The following TUBB6 variants were observed in gnomAD, a reference collection of about 807,000 sequenced individuals.
TUBB6 encodes the protein tubulin beta-6 chain.
In TUBB6, 18 loss-of-function variants were observed where a neutral mutation model predicts 32.3. The ratio of observed to expected loss-of-function variants is 0.56; its 90% CI spans 0.39 to 0.83. The LOEUF (loss-of-function observed/expected upper bound fraction) is 0.83, where lower values mean the gene tolerates loss of function less well. Ranked by LOEUF, TUBB6 falls within the 40% of genes least tolerant of loss-of-function variation. The pLI, the probability that TUBB6 is intolerant of heterozygous loss-of-function variation, is 0.00. For missense variants in TUBB6, 480 were observed against 632.0 expected, an observed-to-expected ratio of 0.76 and a Z score of 2.58; for synonymous variants, 280 against 265.8, an observed-to-expected ratio of 1.05 and a Z score of -0.52.
downstream of TUBB6, among the ~76,000 whole-genome samples, chr18:12,327,741 C>T (rs1907384679): frequency 6.6e-6 from 1 of 152,156 alleles, no homozygotes; most frequent in Non-Finnish European, 1.5e-5. Flanking sequence ...CTTAAGGTTG[C>T]TCACCTCACC....
downstream of TUBB6, among the ~76,000 whole-genome samples, chr18:12,327,114 T>C (rs1211439618): frequency 6.6e-6 from 1 of 152,264 alleles, no homozygotes; most frequent in East Asian, 1.9e-4. Flanking sequence ...TACTTCTTCC[T>C]GCCCTCTTGA....
At chr18:12,319,576 A>G (rs1906870352) in intron 3 of TUBB6, among the ~76,000 whole-genome samples, 1 of 152,190 alleles carries the variant, frequency 6.6e-6, no homozygotes, top group South Asian at 2.1e-4. Flanking sequence ...TATCTCAGAC[A>G]TCCTCCGTGA....
At chr18:12,311,219 G>A (rs967393724) in intron 3 of TUBB6, 166 bp downstream of exon 3, 1 of 556,796 alleles carries the variant, frequency 1.8e-6, no homozygotes. Flanking sequence ...ACAAGGAACA[G>A]TTTTTTTTAA....
At chr18:12,323,302 A>G (rs1357707917) in intron 3 of TUBB6, among the ~76,000 whole-genome samples, 4 of 152,178 alleles carry the variant, frequency 2.6e-5, no homozygotes, top group African/African-American at 9.7e-5. Context: ...CAAAAACAAA[A>G]ATTAGTTCCT....
intron 3 of TUBB6, among the ~76,000 whole-genome samples, chr18:12,317,524 C>A (rs1428918924): frequency 3.3e-5 from 5 of 152,204 alleles, no homozygotes; most frequent in Admixed American, 2.0e-4. Flanking sequence ...GCAGTCATAC[C>A]TACTCTATTG....
chr18:12,324,165 C>T (rs1907135494), intron 3 of TUBB6, among the ~76,000 whole-genome samples: 1 of 152,032 alleles, frequency 6.6e-6, no homozygotes, highest in Admixed American at 6.5e-5. Flanking sequence ...GTCAGGAGTT[C>T]GAGACTATCC....
downstream of TUBB6, chr18:12,329,637 T>C (rs758798297): frequency 3.1e-6 from 5 of 1,614,072 alleles, no homozygotes; most frequent in Non-Finnish European, 4.2e-6. Flanking sequence ...CCTTAAGGCC[T>C]TCTGGAAGTG....
chr18:12,308,981 C>T (rs1180488141), intron 2 of TUBB6, among the ~76,000 whole-genome samples, 186 bp downstream of exon 2: 1 of 152,220 alleles, frequency 6.6e-6, no homozygotes, highest in African/African-American at 2.4e-5. Flanking sequence ...CTCGATTCAG[C>T]CTATCCTGAG....
intron 2 of TUBB6, among the ~76,000 whole-genome samples, chr18:12,310,228 C>G (rs879765888): frequency 2.6e-5 from 4 of 151,680 alleles, no homozygotes; most frequent in Non-Finnish European, 4.4e-5. Context: ...GGTGGCTCAC[C>G]CCTGTAATCC....
At chr18:12,309,308 G>T (rs988491970) in intron 2 of TUBB6, among the ~76,000 whole-genome samples, 17 of 150,852 alleles carry the variant, frequency 1.1e-4, no homozygotes, top group African/African-American at 3.9e-4. Context: ...AGCTGTGATC[G>T]CGCCACTGCA....
rs769074833 is a variant in TUBB6 at position 12,326,173 on chromosome 18, T to C, written c.*43T>C. 1.7e-5 allele frequency: 27 copies of C among 1,576,164 alleles called. No individual in the cohort carries two copies. In the South Asian group the frequency reaches 3.1e-4, roughly 18 times the overall value. On this transcript the variant is annotated 3_prime_UTR_variant, in exon 4 of 4. Coordinates refer to ENST00000317702, the MANE Select transcript of TUBB6 (RefSeq NM_032525.3). ...CAACTCAGATCCTACAACACGCAAG[T>C]TCCTTCTTGAACCCTGGTGCCTCCT...
chr18:12,308,496 G>A (rs1370898927), intron 1 of TUBB6, 147 bp downstream of exon 1: 20 of 742,098 alleles, frequency 2.7e-5, no homozygotes, highest in Non-Finnish European at 2.4e-5. Flanking sequence ...CCGCAGGGAG[G>A]GAGCGCCCGG....
downstream of TUBB6, chr18:12,329,776 A>C (rs1258415605): frequency 1.2e-6 from 2 of 1,613,144 alleles, no homozygotes; most frequent in East Asian, 4.5e-5. Context: ...TAACAACAGA[A>C]GAGCAACCTG....
chr18:12,321,763 T>A (rs914148659), intron 3 of TUBB6, among the ~76,000 whole-genome samples: 1 of 152,212 alleles, frequency 6.6e-6, no homozygotes, highest in African/African-American at 2.4e-5. Flanking sequence ...CAAAATTTCA[T>A]GAAAATAAAT....
rs748814632 is a variant in TUBB6, at chr18:12,325,078, G to C, written c.289G>C (p.Ala97Pro). The change falls in exon 4 of 4, where the codon GCA becomes CCA. Residue 97 changes from alanine to proline, a missense_variant. Coordinates refer to ENST00000317702, the MANE Select transcript of TUBB6 (RefSeq NM_032525.3). ...PDNFIFGQTG[A>P]GNNWAKGHYT... Reference sequence around the variant, plus strand: ...TCTCTTTGTTGCAGGCCAGACGGGTGCAGGGAACAACTGGGCGAAAGGGCA... The same window carrying C: ...TCTCTTTGTTGCAGGCCAGACGGGTCCAGGGAACAACTGGGCGAAAGGGCA... 1 of 1,572,676 alleles carries C rather than the reference G, an allele frequency of 6.4e-7. No individual in the cohort carries two copies. Among genetic ancestry groups the C allele is most frequent in the Non-Finnish European group, 8.7e-7 (1 of 1,156,040 alleles).
chr18:12,325,035 G>A, intron 3 of TUBB6, 32 bp from the exon 4 acceptor site: 2 of 1,543,030 alleles, frequency 1.3e-6, no homozygotes, highest in Non-Finnish European at 1.8e-6. Context: ...GCCCTTTCCT[G>A]TTTAAACGGC....
chr18:12,328,824 G>A (rs905142599), downstream of TUBB6: 1 of 297,314 alleles, frequency 3.4e-6, no homozygotes, highest in Non-Finnish European at 6.4e-6. Context: ...CCTCCTGTGG[G>A]AGCTAATGAG....
intron 3 of TUBB6, among the ~76,000 whole-genome samples, chr18:12,312,555 G>A (rs1906441548): frequency 6.6e-6 from 1 of 152,108 alleles, no homozygotes; most frequent in African/African-American, 2.4e-5. Context: ...CAAAATAAGT[G>A]TTTGAGAAAT....
At chr18:12,308,196 CG>C, upstream of TUBB6, 4 of 835,962 alleles carry the variant, frequency 4.8e-6, no homozygotes, top group South Asian at 5.4e-5. Context: ...GGGGCGGGGG[CG>C]GGGGCGCGGA....
Sources: allele counts gnomAD v4.1 joint callset (sites outside exome capture counted in the v4.1 genomes callset), GRCh38; gene constraint gnomAD v4.1.1; transcripts MANE v1.5; gene names NCBI Gene and HGNC (gene_info 2026-07-23, HGNC 2026-07-21).